The following CALN1 variants were observed in gnomAD, a reference collection of about 807,000 sequenced individuals.
CALN1 encodes the protein calcium-binding protein 8.
A neutral mutation model predicts 30.6 loss-of-function variants in CALN1; 17 were observed. The ratio of observed to expected loss-of-function variants is 0.56; its 90% CI spans 0.38 to 0.83. The LOEUF is 0.83. Ranked by LOEUF, CALN1 falls within the 40% of genes least tolerant of loss-of-function variation. The pLI is 0.00. For missense variants in CALN1, 291 were observed against 354.9 expected, an observed-to-expected ratio of 0.82 and a Z score of 1.45; for synonymous variants, 156 against 131.4, an observed-to-expected ratio of 1.19 and a Z score of -1.28.
Position 72,197,609 on chromosome 7 carries a change from G to A in CALN1, c.244+81077C>T, listed in dbSNP as rs1585142092. On this transcript the variant is annotated intron_variant, in intron 3 of 6. Coordinates refer to ENST00000395275, the MANE Select transcript of CALN1 (RefSeq NM_031468.4). The stretch of plus-strand genomic sequence containing the variant: ...CTTTGGGAGGCTGAGGTGGAAGGAT[G>A]GCTTGAAGCCAGGAGTTCAAGACCA... Among the ~76,000 whole-genome samples, 4 of 152,136 alleles carry A rather than the reference G, an allele frequency of 2.6e-5. No individual in the cohort carries two copies. In the East Asian group the frequency reaches 7.7e-4, roughly 29 times the overall value.
At chr7:72,324,083 A>C (rs1801094885) in intron 2 of CALN1, among the ~76,000 whole-genome samples, 1 of 152,006 alleles carries the variant, frequency 6.6e-6, no homozygotes, top group Non-Finnish European at 1.5e-5. Flanking sequence ...TGGTTGGCAC[A>C]TCCCTTGGAG....
At chr7:72,083,686 C>A (rs11772542) in intron 4 of CALN1, among the ~76,000 whole-genome samples, 2 of 151,930 alleles carry the variant, frequency 1.3e-5, no homozygotes, top group Non-Finnish European at 2.9e-5. Context: ...TTTGGGAGGC[C>A]GAGGCAGGCA....
intron 3 of CALN1, among the ~76,000 whole-genome samples, chr7:72,270,895 C>CA (rs770129777): frequency 2.0e-5 from 3 of 152,118 alleles, no homozygotes; most frequent in African/African-American, 4.8e-5. Flanking sequence ...AGATGAAACC[C>CA]AATAAGATCA....
intron 5 of CALN1, among the ~76,000 whole-genome samples, chr7:71,816,770 C>T (rs912043961): frequency 2.6e-5 from 4 of 152,148 alleles, no homozygotes; most frequent in Admixed American, 2.0e-4. Flanking sequence ...GAGTTCGAGA[C>T]TAGCCTGACC....
intron 1 of CALN1, among the ~76,000 whole-genome samples, chr7:72,428,658 A>T (rs1339609041): frequency 6.6e-6 from 1 of 152,154 alleles, no homozygotes; most frequent in Non-Finnish European, 1.5e-5. Flanking sequence ...AAGTCTTACT[A>T]TCAAGAAATC....
At chr7:72,138,524 T>G (rs976144693) in intron 3 of CALN1, among the ~76,000 whole-genome samples, 1 of 148,858 alleles carries the variant, frequency 6.7e-6, no homozygotes, top group Non-Finnish European at 1.5e-5. Context: ...CTACTTGTAT[T>G]AACCAATTCA....
intron 4 of CALN1, among the ~76,000 whole-genome samples, chr7:72,031,632 A>C (rs1467794797): frequency 1.3e-5 from 2 of 152,032 alleles, no homozygotes; most frequent in East Asian, 3.9e-4. Context: ...CAGTGGTGCA[A>C]TCATAGCTCA....
At position 71,945,807 on chromosome 7, in the gene CALN1, TA is replaced by T. The variant is rs1381723041; in HGVS notation, c.501+77849del. Among the ~76,000 whole-genome samples the T allele has an allele frequency of 2.6e-5, 4 of 152,298 alleles. No homozygotes were observed. The East Asian group carries it at 7.7e-4, about 29-fold the overall frequency. On this transcript the variant is annotated intron_variant, in intron 5 of 6. Coordinates refer to ENST00000395275, the MANE Select transcript of CALN1 (RefSeq NM_031468.4). ...TATTTCATTATATATTACAATGTAA[TA>T]ATAATAGAAATAAAGTACATAATAA...
chr7:72,067,128 G>A (rs1416099797), intron 4 of CALN1, among the ~76,000 whole-genome samples: 1 of 152,122 alleles, frequency 6.6e-6, no homozygotes, highest in Non-Finnish European at 1.5e-5. Context: ...CAAGTAGGAT[G>A]GGTCTGAAAT....
intron 3 of CALN1, among the ~76,000 whole-genome samples, chr7:72,160,478 C>T (rs1788026793): frequency 6.6e-6 from 1 of 151,948 alleles, no homozygotes; most frequent in Non-Finnish European, 1.5e-5. Context: ...GGGGTTTCAC[C>T]ATGTTGGCCA....
chr7:71,968,412 C>A (rs1467697284), intron 5 of CALN1, among the ~76,000 whole-genome samples: 1 of 152,148 alleles, frequency 6.6e-6, no homozygotes, highest in South Asian at 2.1e-4. Flanking sequence ...TACATGAGGC[C>A]TTCTTTGGAG....
At chr7:72,151,286 G>A (rs377484432) in intron 3 of CALN1, among the ~76,000 whole-genome samples, 21 of 152,162 alleles carry the variant, frequency 1.4e-4, no homozygotes, top group African/African-American at 4.3e-4. Context: ...AATCTTTAGC[G>A]TTCCTTGGCT....
intron 3 of CALN1, among the ~76,000 whole-genome samples, chr7:72,247,405 G>A (rs998155683): frequency 3.3e-5 from 5 of 151,250 alleles, no homozygotes; most frequent in East Asian, 2.0e-4. Context: ...CCGCCACCAC[G>A]CCCAACTAAT....
intron 1 of CALN1, among the ~76,000 whole-genome samples, chr7:72,434,364 A>C (rs12535366): frequency 6.6e-4 from 97 of 146,380 alleles, no homozygotes; most frequent in African/African-American, 2.4e-3. Context: ...AAAAAAAAAC[A>C]AAAAAAAAAT....
intron 1 of CALN1, among the ~76,000 whole-genome samples, chr7:72,408,675 CTTTT>C (rs534883618): frequency 2.6e-5 from 2 of 77,966 alleles, no homozygotes; most frequent in African/African-American, 5.0e-5. Context: ...TTATCTTTTC[CTTTT>C]TTTTTTTTTT....
At chr7:72,397,780 G>A (rs898511947) in intron 2 of CALN1, among the ~76,000 whole-genome samples, 2 of 95,112 alleles carry the variant, frequency 2.1e-5, no homozygotes, top group South Asian at 3.2e-4. Context: ...GGTCCTCTAA[G>A]TATTAGCCTA....
chr7:72,437,220 G>T (rs1379102829), intron 1 of CALN1, among the ~76,000 whole-genome samples: 1 of 152,196 alleles, frequency 6.6e-6, no homozygotes, highest in Non-Finnish European at 1.5e-5. Flanking sequence ...GCGATCTGGG[G>T]TTTAGCTCTG....
At chr7:71,928,242 G>C (rs539167879) in intron 5 of CALN1, among the ~76,000 whole-genome samples, 1 of 152,090 alleles carries the variant, frequency 6.6e-6, no homozygotes, top group Non-Finnish European at 1.5e-5. Flanking sequence ...TCCACCCCAC[G>C]ACTTCAGAAA....
intron 4 of CALN1, among the ~76,000 whole-genome samples, chr7:72,055,015 CAAAG>C (rs1803162184): frequency 6.6e-6 from 1 of 152,032 alleles, no homozygotes; most frequent in South Asian, 2.1e-4. Flanking sequence ...ACAGGAATTC[CAAAG>C]AAAGAACAAA....
Sources: allele counts gnomAD v4.1 joint callset (sites outside exome capture counted in the v4.1 genomes callset), GRCh38; gene constraint gnomAD v4.1.1; transcripts MANE v1.5; gene names NCBI Gene and HGNC (gene_info 2026-07-23, HGNC 2026-07-21).